Variants in IQSEC1 observed in about 807,000 individuals in gnomAD.
The protein encoded by IQSEC1 is IQ motif and Sec7 domain ArfGEF 1.
Under a neutral mutation model 91.0 loss-of-function variants are expected in IQSEC1, and 31 were observed. That is an observed-to-expected ratio of 0.34 (90% confidence interval 0.26 to 0.46). The LOEUF (loss-of-function observed/expected upper bound fraction) is 0.46, where lower values mean the gene tolerates loss of function less well. Among genes scored for constraint, IQSEC1 ranks in the 20% least tolerant of loss-of-function variants. The probability of loss-of-function intolerance (pLI) is 1.00; values close to 1 mark genes in which losing one functional copy is unlikely to be tolerated. For missense variants in IQSEC1, 1,388 were observed against 1,575.6 expected (o/e 0.88, Z 2.02); for synonymous variants, 699 against 662.6 (o/e 1.05, Z -0.84).
At chr3:13,150,261 T>C (rs1706971613) in intron 2 of IQSEC1, among the ~76,000 whole-genome samples, 1 of 152,222 alleles carries the variant, frequency 6.6e-6, no homozygotes, top group South Asian at 2.1e-4. Context: ...TCTAAGAAAT[T>C]ATACGGACAA....
intron 1 of IQSEC1, chr3:12,987,077 C>T: frequency 2.6e-6 from 1 of 384,558 alleles, no homozygotes; most frequent in Non-Finnish European, 5.2e-6. Context: ...CTCAGCCGTC[C>T]CCCATCTGGT....
intron 1 of IQSEC1, among the ~76,000 whole-genome samples, chr3:13,020,550 A>C (rs1178156352): frequency 6.6e-6 from 1 of 152,202 alleles, no homozygotes; most frequent in Non-Finnish European, 1.5e-5. Context: ...GCTGCCAGGA[A>C]ACTTGGCAAT....
intron 2 of IQSEC1, among the ~76,000 whole-genome samples, chr3:13,138,028 G>C (rs1706737918): frequency 6.6e-6 from 1 of 152,182 alleles, no homozygotes; most frequent in African/African-American, 2.4e-5. Context: ...GCAGTGGCCA[G>C]AGACGCAGGC....
chr3:13,050,836 A>G (rs1017505787), intron 1 of IQSEC1, among the ~76,000 whole-genome samples: 3 of 152,248 alleles, frequency 2.0e-5, no homozygotes, highest in African/African-American at 7.2e-5. Flanking sequence ...TATACCTTAT[A>G]TTGTATTATA....
rs569139639 is a variant in IQSEC1 at position 12,932,259 on chromosome 3, G to A, written c.1568+3189C>T. On this transcript the variant is annotated intron_variant, in intron 3 of 13. Transcript: ENST00000613206. ...TCCATGTGCTGCAGGGCTGCATGGCGTCCCACAGATGGTGTGGCTCTGCCT... is the reference window on the plus strand; with the variant it reads ...TCCATGTGCTGCAGGGCTGCATGGCATCCCACAGATGGTGTGGCTCTGCCT... Among the ~76,000 whole-genome samples, 14 of 152,300 alleles carry A rather than the reference G, an allele frequency of 9.2e-5. No homozygotes were observed. In the South Asian group the frequency reaches 1.9e-3, roughly 20 times the overall value.
intron 1 of IQSEC1, among the ~76,000 whole-genome samples, chr3:13,044,064 T>C (rs1254360652): frequency 6.6e-6 from 1 of 152,176 alleles, no homozygotes; most frequent in Non-Finnish European, 1.5e-5. Flanking sequence ...GCTGCTCAGC[T>C]TCCAAGGGCC....
intron 1 of IQSEC1, among the ~76,000 whole-genome samples, chr3:13,276,457 C>A (rs988697609): frequency 2.0e-5 from 3 of 152,206 alleles, no homozygotes; most frequent in African/African-American, 7.2e-5. Context: ...GGGCCACAGG[C>A]AACTCCTGTA....
intron 1 of IQSEC1, among the ~76,000 whole-genome samples, chr3:13,023,408 C>T (rs140791166): frequency 2.6e-5 from 4 of 152,290 alleles, no homozygotes; most frequent in Non-Finnish European, 4.4e-5. Flanking sequence ...AAGGTCAACA[C>T]TCACAGATCT....
At chr3:13,171,905 G>A (rs1693623013) in intron 1 of IQSEC1, among the ~76,000 whole-genome samples, 1 of 152,168 alleles carries the variant, frequency 6.6e-6, no homozygotes, top group Admixed American at 6.5e-5. Flanking sequence ...AAGGGTCAGG[G>A]GTGGCAATCC....
At chr3:12,944,365 A>G (rs1699025774) in intron 1 of IQSEC1, among the ~76,000 whole-genome samples, 1 of 152,208 alleles carries the variant, frequency 6.6e-6, no homozygotes, top group Non-Finnish European at 1.5e-5. Flanking sequence ...CAACTGTACA[A>G]AGGAGCAAAT....
chr3:13,123,749 G>A (rs918700098), intron 2 of IQSEC1, among the ~76,000 whole-genome samples: 1 of 152,214 alleles, frequency 6.6e-6, no homozygotes, highest in Non-Finnish European at 1.5e-5. Flanking sequence ...GGGAAAGGAA[G>A]GATGGAAGCC....
At chr3:13,277,105 TTA>T (rs1559291732) in intron 1 of IQSEC1, among the ~76,000 whole-genome samples, 2 of 42,204 alleles carry the variant, frequency 4.7e-5, no homozygotes, top group Non-Finnish European at 7.1e-5. Flanking sequence ...TTGCTCCTCC[TTA>T]AAAAAAAAAA....
At chr3:13,115,491 G>C (rs1236263276) in intron 2 of IQSEC1, among the ~76,000 whole-genome samples, 5 of 152,190 alleles carry the variant, frequency 3.3e-5, no homozygotes, top group African/African-American at 1.2e-4. Flanking sequence ...GTCTGCATGA[G>C]CCCCCTGATT....
intron 1 of IQSEC1, among the ~76,000 whole-genome samples, chr3:13,045,872 G>C (rs1489434321): frequency 2.0e-5 from 3 of 152,256 alleles, no homozygotes; most frequent in East Asian, 3.8e-4. Flanking sequence ...TCAGGGGTGA[G>C]AGTGTGTGTA....
chr3:12,966,451 C>G (rs1700572841), intron 1 of IQSEC1, among the ~76,000 whole-genome samples: 1 of 152,210 alleles, frequency 6.6e-6, no homozygotes, highest in South Asian at 2.1e-4. Context: ...CCCCACCCCC[C>G]TGCTCCTCAG....
rs112632993 is a variant in IQSEC1 at position 12,977,874 on chromosome 3, T to C, written c.24-36009A>G. On this transcript the variant is annotated intron_variant, in intron 1 of 13. Coordinates refer to ENST00000613206, the MANE Select transcript of IQSEC1 (RefSeq NM_001134382.3). ...GGAAGACCTGACCCAACTCCACTGATTGAGAATTAATGGAGGCAGGACATG... is the reference window on the plus strand; with the variant it reads ...GGAAGACCTGACCCAACTCCACTGACTGAGAATTAATGGAGGCAGGACATG... Among the ~76,000 whole-genome samples the C allele has an allele frequency of 6.8e-3, 1,030 of 152,320 alleles. 16 individuals carry two copies. Among genetic ancestry groups the C allele is most frequent in the African/African-American group, 0.023 (972 of 41,548 alleles).
intron 1 of IQSEC1, among the ~76,000 whole-genome samples, chr3:13,067,517 T>C (rs1385444312): frequency 6.6e-6 from 1 of 152,092 alleles, no homozygotes; most frequent in Non-Finnish European, 1.5e-5. Flanking sequence ...TTCCAGGTAG[T>C]GCATGCAGTG....
At chr3:12,972,398 G>C (rs752330908) in intron 1 of IQSEC1, among the ~76,000 whole-genome samples, 1 of 152,134 alleles carries the variant, frequency 6.6e-6, no homozygotes, top group Non-Finnish European at 1.5e-5. Flanking sequence ...ACCAGAACTA[G>C]TCCACAAAGA....
At chr3:13,137,521 C>G (rs1373996663) in intron 2 of IQSEC1, among the ~76,000 whole-genome samples, 2 of 152,220 alleles carry the variant, frequency 1.3e-5, no homozygotes, top group Non-Finnish European at 2.9e-5. Flanking sequence ...CTGTGAGCAA[C>G]AGAATGACAA....
Sources: allele counts gnomAD v4.1 joint callset (sites outside exome capture counted in the v4.1 genomes callset), GRCh38; gene constraint gnomAD v4.1.1; transcripts MANE v1.5; gene names NCBI Gene and HGNC (gene_info 2026-07-23, HGNC 2026-07-21).